The following MS4A1 variants were observed in gnomAD, a reference collection of about 807,000 sequenced individuals.
The protein encoded by MS4A1 is membrane spanning 4-domains A1.
In MS4A1, 16 loss-of-function variants were observed where a neutral mutation model predicts 26.5. The observed-to-expected ratio is 0.60, with a 90% CI of 0.41 to 0.92. The LOEUF (loss-of-function observed/expected upper bound fraction) is 0.92. Among genes scored for constraint, MS4A1 ranks in the 40% least tolerant of loss-of-function variants. The probability of loss-of-function intolerance (pLI) is 0.00; values close to 1 mark genes in which losing one functional copy is unlikely to be tolerated. For synonymous variants in MS4A1, 128 were observed against 117.6 expected (o/e 1.09, Z -0.57); for missense variants, 350 against 353.0 (o/e 0.99, Z 0.07).
In MS4A1 at chr11:60,465,998, A is replaced by G. The variant is rs148966123; in HGVS notation, c.414A>G (p.Ile138Met). Residue 138 changes from isoleucine to methionine, a missense_variant, in exon 6 of 8, where the codon ATA (isoleucine) becomes ATG (methionine). Coordinates refer to ENST00000345732, the MANE Select transcript of MS4A1 (RefSeq NM_152866.3). ...GAATGATTCTTTCAATCATGGACAT[A>G]CTTAATATTAAAATTTCCCATTTTT... ...ISGMILSIMD[I>M]LNIKISHFLK... 1 of 1,613,698 alleles carries G rather than the reference A, an allele frequency of 6.2e-7. No homozygotes were observed. The highest frequency in any genetic ancestry group is 8.5e-7 in the Non-Finnish European group (1 of 1,179,804).
intron 5 of MS4A1, among the ~76,000 whole-genome samples, chr11:60,464,769 A>T (rs897727313): frequency 2.0e-5 from 3 of 152,210 alleles, no homozygotes; most frequent in African/African-American, 7.2e-5. Context: ...CCTAGAAAGG[A>T]AGGGTAACAG....
intron 1 of MS4A1, among the ~76,000 whole-genome samples, chr11:60,456,694 C>T (rs2086206654): frequency 1.3e-5 from 2 of 152,110 alleles, no homozygotes; most frequent in African/African-American, 2.4e-5. Flanking sequence ...TAAGTGATTC[C>T]CTTTCCCTGT....
chr11:60,465,944 T>C lies in MS4A1; in HGVS notation c.360T>C (p.Asn120=). The C allele has an allele frequency of 6.2e-7, 1 of 1,613,548 alleles. No homozygotes were observed. The highest frequency in any genetic ancestry group is 1.1e-5 in the South Asian group (1 of 91,060). Residue 120 remains asparagine, a synonymous_variant, in exon 6 of 8, where the codon AAT becomes AAC. Transcript: ENST00000345732. ...AGGTCAAAGGAAAAATGATAATGAA[T>C]TCATTGAGCCTCTTTGCTGCCATTT... ...KCLVKGKMIM[N]SLSLFAAISG...
chr11:60,468,161 A>C, intron 7 of MS4A1, 89 bp from the exon 8 acceptor site: 2 of 1,201,034 alleles, frequency 1.7e-6, no homozygotes. Context: ...CATAAAAACC[A>C]GGAGGTATTT....
rs377232214 is a variant in MS4A1 at position 60,462,813 on chromosome 11, C to T, written c.160-189C>T. Among the ~76,000 whole-genome samples, 113 of 152,288 alleles carry T rather than the reference C, an allele frequency of 7.4e-4. 1 individual carries two copies. In the South Asian group the frequency reaches 0.022, roughly 30 times the overall value. On this transcript the variant is annotated intron_variant, in intron 3 of 7. Transcript: ENST00000345732. ...GCCAGAATCCCAGGCATACCTGCTCCCTGGAAATGCCCCATGTGGTTGAGG... is the reference window on the plus strand; with the variant it reads ...GCCAGAATCCCAGGCATACCTGCTCTCTGGAAATGCCCCATGTGGTTGAGG...
At chr11:60,465,556 A>C (rs2086284215) in intron 5 of MS4A1, among the ~76,000 whole-genome samples, 1 of 152,242 alleles carries the variant, frequency 6.6e-6, no homozygotes, top group Non-Finnish European at 1.5e-5. Flanking sequence ...GAAGGCAGAT[A>C]ATAAACTGGA....
At position 60,470,572 on chromosome 11, in the gene MS4A1, C is replaced by T. The variant is rs893722407; in HGVS notation, c.*2104C>T. ...TAAAGAAGGATGAAAATTCCTATGA[C>T]CTTCTCCCCGATTATCCCTTTGGCA... On this transcript the variant is annotated 3_prime_UTR_variant, in exon 8 of 8. Coordinates refer to ENST00000345732, the MANE Select transcript of MS4A1 (RefSeq NM_152866.3). 4.0e-5 allele frequency: 6 copies of T among 151,896 alleles called. No individual in the cohort carries two copies. The highest frequency in any genetic ancestry group is 1.3e-4 in the Admixed American group (2 of 15,254). 9.4% of individuals were successfully genotyped at this position (151,896 alleles called of 1,614,324 possible).
chr11:60,464,192 T>C lies in MS4A1; in HGVS notation c.280-96T>C, dbSNP rs2086271332. On this transcript the variant is annotated intron_variant, in intron 4 of 7. Coordinates refer to ENST00000345732, the MANE Select transcript of MS4A1 (RefSeq NM_152866.3). Reference sequence around the variant, plus strand: ...GTTGCTGAAAGTGTAGGCTTCTTTCTGACCAGTTATCAATGTTAAAAAGTG... The same window carrying C: ...GTTGCTGAAAGTGTAGGCTTCTTTCCGACCAGTTATCAATGTTAAAAAGTG... 4.6e-6 allele frequency: 4 copies of C among 867,090 alleles called. No individual in the cohort carries two copies. In the Admixed American group the frequency reaches 8.1e-5, roughly 18 times the overall value. The allele number at this position is 867,090 out of a possible 1,614,324, so 53.7% of individuals were successfully genotyped here.
At chr11:60,456,415 T>C (rs2086203872) in intron 1 of MS4A1, among the ~76,000 whole-genome samples, 1 of 152,182 alleles carries the variant, frequency 6.6e-6, no homozygotes, top group Non-Finnish European at 1.5e-5. Flanking sequence ...TAATCAGTCA[T>C]AGGCATAATG....
rs983544957 is a variant in MS4A1 at position 60,469,106 on chromosome 11, C to A, written c.*638C>A. 4 of 152,180 alleles carry A rather than the reference C, an allele frequency of 2.6e-5. No individual in the cohort carries two copies. The highest frequency in any genetic ancestry group is 2.9e-5 in the Non-Finnish European group (2 of 68,032). 9.4% of individuals were successfully genotyped at this position (152,180 alleles called of 1,614,324 possible). A position where few individuals can be genotyped will look rare whatever the true frequency, so the allele number is the denominator to read the frequency against. The stretch of plus-strand genomic sequence containing the variant: ...ATACATGGACATGTCTCTGCCTTAA[C>A]TTTTCCTAACTCCCACTCTAGGCTA... On this transcript the variant is annotated 3_prime_UTR_variant, in exon 8 of 8. Transcript: ENST00000345732.
chr11:60,466,283 G>T (rs1392178399), intron 6 of MS4A1, 126 bp downstream of exon 6: 2 of 835,710 alleles, frequency 2.4e-6, no homozygotes, highest in African/African-American at 3.3e-5. Context: ...TGTGGCTTTG[G>T]GAAAGAATTT....
At position 60,468,626 on chromosome 11, in the gene MS4A1, G is replaced by T. The variant is rs1033449147; in HGVS notation, c.*158G>T. The T allele has an allele frequency of 4.4e-6, 3 of 683,808 alleles. No individual in the cohort carries two copies. The highest frequency in any genetic ancestry group is 3.6e-5 in the African/African-American group (2 of 55,496). 42.4% of individuals were successfully genotyped at this position (683,808 alleles called of 1,614,324 possible). ...ACCATAGCTCCTTCTCTCTTACATT[G>T]AATGTAGAGAATGTAGCCATTGTAG... On this transcript the variant is annotated 3_prime_UTR_variant, in exon 8 of 8. Coordinates refer to ENST00000345732, the MANE Select transcript of MS4A1 (RefSeq NM_152866.3).
In MS4A1 at chr11:60,461,085, G is replaced by C. The variant is rs2086243705; in HGVS notation, c.-266G>C. 1 of 151,808 alleles carries C rather than the reference G, an allele frequency of 6.6e-6. No individual in the cohort carries two copies. The highest frequency in any genetic ancestry group is 2.4e-5 in the African/African-American group (1 of 41,442). The allele number at this position is 151,808 out of a possible 1,614,324, so 9.4% of individuals were successfully genotyped here. ...AAATTATTTTAGATCCTGAACAAGA[G>C]AGAACAAAATCTCTACTTTGATGGA... is the stretch of plus-strand genomic sequence containing the variant. On this transcript the variant is annotated 5_prime_UTR_variant, in exon 2 of 8. Transcript: ENST00000345732.
chr11:60,470,117 T>C lies in MS4A1; in HGVS notation c.*1649T>C, dbSNP rs947914619. On this transcript the variant is annotated 3_prime_UTR_variant, in exon 8 of 8. Coordinates refer to ENST00000345732, the MANE Select transcript of MS4A1 (RefSeq NM_152866.3). ...TCTTTACTCTTGAAACATTAGACCATGGGAGGCTCTTACAGCCTTGAGTTG... is the reference window on the plus strand; with the variant it reads ...TCTTTACTCTTGAAACATTAGACCACGGGAGGCTCTTACAGCCTTGAGTTG... 2 of 152,028 alleles carry C rather than the reference T, an allele frequency of 1.3e-5. No homozygotes were observed. The highest frequency in any genetic ancestry group is 4.8e-5 in the African/African-American group (2 of 41,432). The allele number at this position is 152,028 out of a possible 1,614,324, so 9.4% of individuals were successfully genotyped here.
Position 60,468,317 on chromosome 11 carries a change from G to A in MS4A1, c.743G>A (p.Gly248Glu), listed in dbSNP as rs781465218. 1.2e-6 allele frequency: 2 copies of A among 1,613,824 alleles called. No homozygotes were observed. Among genetic ancestry groups the A allele is most frequent in the Non-Finnish European group, 1.7e-6 (2 of 1,179,896 alleles). The change falls in exon 8 of 8, where the codon GGG becomes GAG. Residue 248 changes from glycine to glutamate, a missense_variant. Physicochemically the swap from Gly to Glu is moderately conservative, Grantham distance 98. Coordinates refer to ENST00000345732, the MANE Select transcript of MS4A1 (RefSeq NM_152866.3). ...ATTGAAATAAAAGAAGAAGTGGTTG[G>A]GCTAACTGAAACATCTTCCCAACCA... ...QTIEIKEEVV[G>E]LTETSSQPKN...
rs201784186 is a variant in MS4A1, at chr11:60,466,116, C to T, written c.532C>T (p.Pro178Ser). 59 of 1,613,182 alleles carry T rather than the reference C, an allele frequency of 3.7e-5. No homozygotes were observed. The South Asian group carries it at 6.3e-4, about 17-fold the overall frequency. The change falls in exon 6 of 8, where the codon CCA (proline) becomes TCA (serine). Residue 178 changes from proline (P) to serine (S), a missense_variant. Transcript: ENST00000345732. ...AGCTAATCCCTCTGAGAAAAACTCCCCATCTACCCAATACTGTTACAGCAT... is the reference window on the plus strand; with the variant it reads ...AGCTAATCCCTCTGAGAAAAACTCCTCATCTACCCAATACTGTTACAGCAT... ...EPANPSEKNS[P>S]STQYCYSIQS...
intron 5 of MS4A1, 122 bp from the exon 6 acceptor site, chr11:60,465,799 C>T (rs1354929682): frequency 1.3e-6 from 1 of 754,036 alleles, no homozygotes; most frequent in African/African-American, 1.7e-5. Flanking sequence ...ACTGAGAGAA[C>T]TTCAGTATAT....
chr11:60,466,912 T>C (rs200931398), intron 6 of MS4A1, 47 bp from the exon 7 acceptor site: 6 of 1,539,250 alleles, frequency 3.9e-6, no homozygotes, highest in Non-Finnish European at 5.4e-6. Context: ...ACAATGTTCT[T>C]TGTGCCATTA....
At chr11:60,460,635 C>A (rs2086240430) in intron 1 of MS4A1, among the ~76,000 whole-genome samples, 1 of 152,112 alleles carries the variant, frequency 6.6e-6, no homozygotes, top group Admixed American at 6.5e-5. Flanking sequence ...AAAGATGTGT[C>A]CCCAAAAGAG....
Sources: gnomAD v4.1 joint callset for allele counts (sites outside exome capture counted in the v4.1 genomes callset) on GRCh38, gnomAD v4.1.1 for gene constraint, MANE v1.5 for transcripts, NCBI Gene and HGNC (gene_info 2026-07-23, HGNC 2026-07-21) for gene names.